Variants in DCP1B observed in about 807,000 individuals in gnomAD.
DCP1B encodes decapping mRNA 1B.
DCP1B carries 47 observed loss-of-function variants against 60.5 expected under a neutral mutation model. The ratio of observed to expected loss-of-function variants is 0.78; its 90% CI spans 0.61 to 0.99. DCP1B has a LOEUF of 0.99. DCP1B is among the 50% of genes least tolerant of loss of function. The probability of loss-of-function intolerance (pLI) is 0.00; values close to 1 mark genes in which losing one functional copy is unlikely to be tolerated. For synonymous variants in DCP1B, 267 were observed against 280.3 expected (o/e 0.95, Z 0.47); for missense variants, 725 against 756.8 (o/e 0.96, Z 0.49).
At chr12:2,001,177 C>T (rs1040237993) in intron 1 of DCP1B, among the ~76,000 whole-genome samples, 16 of 152,248 alleles carry the variant, frequency 1.1e-4, no homozygotes, top group African/African-American at 1.9e-4. Context: ...CCCAAATTCA[C>T]GCATTTTCCT....
intron 3 of DCP1B, among the ~76,000 whole-genome samples, chr12:1,982,726 G>A (rs1314024578): frequency 6.6e-6 from 1 of 152,040 alleles, no homozygotes; most frequent in African/African-American, 2.4e-5. Flanking sequence ...ATATTCACAA[G>A]AGACATTGAT....
rs947603896 is a variant in DCP1B at position 1,971,161 on chromosome 12, G to A, written c.320-3251C>T. 1 of 1,289,000 alleles carries A rather than the reference G, an allele frequency of 7.8e-7. No homozygotes were observed. Among genetic ancestry groups the A allele is most frequent in the African/African-American group, 1.5e-5 (1 of 65,806 alleles). 79.8% of individuals were successfully genotyped at this position (1,289,000 alleles called of 1,614,324 possible). A position where few individuals can be genotyped will look rare whatever the true frequency, so the allele number is the denominator to read the frequency against. On this transcript the variant is annotated intron_variant, in intron 3 of 8. Transcript: ENST00000280665. The surrounding 1 kb of genome is among the most constrained non-coding windows in gnomAD (Gnocchi z 4.2). ...AGGTCAAGTTTAAGGGTACTTTGGT[G>A]CATGAAGCTCAACTCAACTATTTCT...
In DCP1B at chr12:1,953,249, G is replaced by A; in HGVS notation, c.691C>T (p.Leu231=). Residue 231 remains leucine, a synonymous_variant, in exon 7 of 9, where the codon CTG becomes TTG. Coordinates refer to ENST00000280665, the MANE Select transcript of DCP1B (RefSeq NM_152640.5). ...GTAGCTTTGTCCTGCTTCCCAAACA[G>A]AGCTGTCAAGGATAAGTGTTGGGGT... The part of the protein sequence containing the change: ...PEPQHLSLTA[L]FGKQDKATCQ... The A allele has an allele frequency of 6.2e-7, 1 of 1,603,088 alleles. No individual in the cohort carries two copies. Among genetic ancestry groups the A allele is most frequent in the Non-Finnish European group, 8.5e-7 (1 of 1,179,810 alleles).
At chr12:1,946,456 C>T (rs1196318672) in intron 8 of DCP1B, among the ~76,000 whole-genome samples, 170 bp from the exon 9 acceptor site, 1 of 152,200 alleles carries the variant, frequency 6.6e-6, no homozygotes, top group African/African-American at 2.4e-5. Flanking sequence ...GGGTTGACGG[C>T]AAGGCCGGAC....
chr12:1,946,249 T>C lies in DCP1B; in HGVS notation c.1811A>G (p.Tyr604Cys), dbSNP rs776169779. Residue 604 changes from tyrosine (Y) to cysteine (C), a missense_variant, in exon 9 of 9, where the codon TAT (tyrosine) becomes TGT (cysteine). By Grantham distance (194) the Tyr-to-Cys change is radical. Coordinates refer to ENST00000280665, the MANE Select transcript of DCP1B (RefSeq NM_152640.5). Reference protein sequence around the residue: ...DNFLNIIYEAYLFSMTQAAMK... With the variant: ...DNFLNIIYEACLFSMTQAAMK... ...GGCTGCTTGAGTCATGCTGAAGAGA[T>C]AGGCTTCATAGATTATATTTAAGAA... is the stretch of plus-strand genomic sequence containing the variant. 4 of 1,608,594 alleles carry C rather than the reference T, an allele frequency of 2.5e-6. No individual in the cohort carries two copies. Among genetic ancestry groups the C allele is most frequent in the South Asian group, 1.1e-5 (1 of 89,392 alleles).
chr12:1,998,161 G>T (rs1456487361), intron 1 of DCP1B, among the ~76,000 whole-genome samples, 186 bp from the exon 2 acceptor site: 1 of 152,208 alleles, frequency 6.6e-6, no homozygotes, highest in African/African-American at 2.4e-5. Context: ...CTGCAGATTA[G>T]GCAGCAGGAA....
chr12:1,947,913 T>C (rs968022536), intron 8 of DCP1B, among the ~76,000 whole-genome samples: 2 of 152,204 alleles, frequency 1.3e-5, no homozygotes, highest in Admixed American at 6.5e-5. Context: ...TGCTCCCACC[T>C]TGGCTTCCCA....
chr12:1,948,125 C>T lies in DCP1B; in HGVS notation c.1773+961G>A, dbSNP rs1020688003. Among the ~76,000 whole-genome samples the T allele has an allele frequency of 6.6e-6, 1 of 152,224 alleles. No homozygotes were observed. Among genetic ancestry groups the T allele is most frequent in the Non-Finnish European group, 1.5e-5 (1 of 68,040 alleles). ...TTAAAGATTATCTACCAAAAAGACA[C>T]CTAAATATGTTAACTGGGGTGTCTG... On this transcript the variant is annotated intron_variant, in intron 8 of 8. Coordinates refer to ENST00000280665, the MANE Select transcript of DCP1B (RefSeq NM_152640.5). The surrounding 1 kb of genome is among the most constrained non-coding windows in gnomAD (Gnocchi z 4.8).
intron 3 of DCP1B, among the ~76,000 whole-genome samples, chr12:1,970,385 G>C (rs2031903687): frequency 6.6e-6 from 1 of 151,990 alleles, no homozygotes; most frequent in South Asian, 2.1e-4. Context: ...GTTTAGTCTG[G>C]ACAGAAAATT....
At chr12:1,958,654 C>T (rs1278736429) in intron 5 of DCP1B, among the ~76,000 whole-genome samples, 6 of 143,342 alleles carry the variant, frequency 4.2e-5, no homozygotes, top group East Asian at 4.4e-4. Flanking sequence ...TCCCCAACGT[C>T]GCTCTGGGCA....
intron 3 of DCP1B, among the ~76,000 whole-genome samples, chr12:1,969,613 C>G (rs2031731314): frequency 6.9e-6 from 1 of 145,044 alleles, no homozygotes; most frequent in Non-Finnish European, 1.5e-5. Flanking sequence ...GCTTTTACAT[C>G]AAAACAAAAT....
chr12:1,990,619 C>T (rs2039127648), intron 3 of DCP1B, among the ~76,000 whole-genome samples: 2 of 151,990 alleles, frequency 1.3e-5, no homozygotes, highest in South Asian at 4.2e-4. Flanking sequence ...ATTTGAAATG[C>T]CCAAATATGG....
At chr12:1,955,679 T>A in intron 5 of DCP1B, 119 bp from the exon 6 acceptor site, 1 of 1,176,030 alleles carries the variant, frequency 8.5e-7, no homozygotes, top group East Asian at 2.6e-5. Flanking sequence ...TAGATTTTCA[T>A]GCACAAAGGA....
chr12:1,980,252 T>C (rs1009201626), intron 3 of DCP1B, among the ~76,000 whole-genome samples: 2 of 152,184 alleles, frequency 1.3e-5, no homozygotes, highest in Admixed American at 1.3e-4. Flanking sequence ...GACTGCAATA[T>C]AATGATGCAG....
chr12:1,993,256 A>G lies in DCP1B; in HGVS notation c.319+8T>C, dbSNP rs1396581893. On this transcript the variant is annotated splice_region_variant and intron_variant, in intron 3 of 8. Coordinates refer to ENST00000280665, the MANE Select transcript of DCP1B (RefSeq NM_152640.5). Reference sequence around the variant, plus strand: ...GTAAAACAACCCACTGTAGTAAGAAAGACTCACATCTGGCATTTCTGTAGA... The same window carrying G: ...GTAAAACAACCCACTGTAGTAAGAAGGACTCACATCTGGCATTTCTGTAGA... 1.9e-6 allele frequency: 3 copies of G among 1,614,042 alleles called. No individual in the cohort carries two copies. The highest frequency in any genetic ancestry group is 2.7e-5 in the African/African-American group (2 of 74,942).
intron 3 of DCP1B, chr12:1,991,378 C>T: frequency 3.1e-6 from 1 of 320,164 alleles, no homozygotes; most frequent in Non-Finnish European, 6.2e-6. Context: ...AGAACAGTGC[C>T]ATTCAATAGA....
intron 3 of DCP1B, chr12:1,970,961 G>A (rs1300562370): frequency 1.6e-6 from 1 of 614,852 alleles, no homozygotes; most frequent in African/African-American, 1.9e-5. Context: ...AAATGTTACT[G>A]CAGGAATAGC....
At chr12:1,967,973 C>A in intron 3 of DCP1B, 63 bp from the exon 4 acceptor site, 1 of 1,339,902 alleles carries the variant, frequency 7.5e-7, no homozygotes, top group South Asian at 1.3e-5. Context: ...AGAAAAAAAT[C>A]TCCTTTCCAT....
intron 5 of DCP1B, among the ~76,000 whole-genome samples, chr12:1,957,962 CTA>C (rs982615092): frequency 2.0e-5 from 3 of 152,152 alleles, no homozygotes; most frequent in African/African-American, 7.2e-5. Context: ...AGGCCTGAGA[CTA>C]TAAACCTCCT....
Sources: allele counts gnomAD v4.1 joint callset (sites outside exome capture counted in the v4.1 genomes callset), GRCh38; gene constraint gnomAD v4.1.1; non-coding constraint Gnocchi (gnomAD v3.1); transcripts MANE v1.5; gene names NCBI Gene and HGNC (gene_info 2026-07-23, HGNC 2026-07-21).